Variants in STARD3 observed in about 807,000 individuals in gnomAD.
STARD3 encodes StAR related lipid transfer domain containing 3.
In STARD3, 39 loss-of-function variants were observed where a neutral mutation model predicts 62.0. That is an observed-to-expected ratio of 0.63 (90% CI 0.49 to 0.82). The LOEUF (loss-of-function observed/expected upper bound fraction) is 0.82. STARD3 is among the 40% of genes least tolerant of loss of function. The pLI is 0.00. For synonymous variants in STARD3, 229 were observed against 242.4 expected (o/e 0.94, Z 0.51); for missense variants, 543 against 584.5 (o/e 0.93, Z 0.73).
In STARD3 at chr17:39,658,494, C is replaced by T. The variant is rs572642156; in HGVS notation, c.519C>T (p.Val173=). Residue 173 remains valine (V), a synonymous_variant, in exon 6 of 15, where the codon GTC becomes GTT. Transcript: ENST00000336308. ...AGACCTGGTTCCTTGACTTCAAAGT[C>T]CTACCCCAGGAAGCTGAAGAGGAGC... ...WLETWFLDFK[V]LPQEAEEERW... The T allele has an allele frequency of 9.3e-6, 15 of 1,614,076 alleles. No individual in the cohort carries two copies. The South Asian group carries it at 1.5e-4, about 17-fold the overall frequency.
chr17:39,662,440 G>A, intron 14 of STARD3, 96 bp downstream of exon 14: 1 of 1,206,236 alleles, frequency 8.3e-7, no homozygotes, highest in Non-Finnish European at 1.2e-6. Flanking sequence ...TCTCTGCCAT[G>A]CCTGGGCCTC....
chr17:39,647,693 C>T (rs1477201948), intron 1 of STARD3, among the ~76,000 whole-genome samples: 6 of 152,184 alleles, frequency 3.9e-5, no homozygotes, highest in Non-Finnish European at 5.9e-5. Flanking sequence ...CCCTAGCCAA[C>T]GAGGCCTCAC....
rs1310486893 is a variant in STARD3 at position 39,660,769 on chromosome 17, TG to T, written c.955-37del. ...GGTGTTCCCATCCCTGGGGTTTTCC[TG>T]GGGCGACCTGTTCCAAAAGTCTCCG... On this transcript the variant is annotated intron_variant, in intron 11 of 14. Transcript: ENST00000336308. The surrounding 1 kb of genome is among the most constrained non-coding windows in gnomAD (Gnocchi z 4.8). 6.5e-7 allele frequency: 1 copy of T among 1,542,012 alleles called. No homozygotes were observed. Among genetic ancestry groups the T allele is most frequent in the East Asian group, 2.3e-5 (1 of 44,360 alleles).
In STARD3 at chr17:39,663,300, T is replaced by C; in HGVS notation, c.*392T>C. ...GAAGGGGCTCTTCATCTGCCTGCGC[T>C]CTCGTCGGTTTTTTTAGGATTATTG... On this transcript the variant is annotated 3_prime_UTR_variant, in exon 15 of 15. Transcript: ENST00000336308. 2.6e-6 allele frequency: 1 copy of C among 387,182 alleles called. No individual in the cohort carries two copies. Among genetic ancestry groups the C allele is most frequent in the Non-Finnish European group, 4.6e-6 (1 of 219,176 alleles). The allele number at this position is 387,182 out of a possible 1,614,324, so 24.0% of individuals were successfully genotyped here. A position where few individuals can be genotyped will look rare whatever the true frequency, so the allele number is the denominator to read the frequency against.
At chr17:39,642,082 G>A (rs1184291403) in intron 1 of STARD3, among the ~76,000 whole-genome samples, 2 of 152,264 alleles carry the variant, frequency 1.3e-5, no homozygotes, top group African/African-American at 4.8e-5. Context: ...CCAAAGGAAG[G>A]AGGTCATTCA....
Position 39,663,469 on chromosome 17 carries a change from T to TA in STARD3, c.*576dup, listed in dbSNP as rs397857339. 411 of 144,240 alleles carry TA rather than the reference T, an allele frequency of 2.8e-3. No individual in the cohort carries two copies. Among genetic ancestry groups the TA allele is most frequent in the Middle Eastern group, 6.9e-3 (2 of 290 alleles). The allele number at this position is 144,240 out of a possible 1,614,324, so 8.9% of individuals were successfully genotyped here. ...ATTAAGCCAATTAAAAACATGAATTTAAAAAAAAAAAAAAATTCCAGCCCC... is the reference window on the plus strand; with the variant it reads ...ATTAAGCCAATTAAAAACATGAATTTAAAAAAAAAAAAAAAATTCCAGCCCC... On this transcript the variant is annotated 3_prime_UTR_variant, in exon 15 of 15. Coordinates refer to ENST00000336308, the MANE Select transcript of STARD3 (RefSeq NM_006804.4).
Position 39,664,014 on chromosome 17 carries a change from C to T in STARD3, c.*1106C>T, listed in dbSNP as rs2057231903. ...CCTCCTCCCTCCCGGCTGGCCTGCC[C>T]CCTTGCCTGCCTGCATGCAGGCTTC... is the stretch of plus-strand genomic sequence containing the variant. On this transcript the variant is annotated 3_prime_UTR_variant, in exon 15 of 15. Coordinates refer to ENST00000336308, the MANE Select transcript of STARD3 (RefSeq NM_006804.4). Among the ~76,000 whole-genome samples the T allele has an allele frequency of 6.6e-6, 1 of 152,174 alleles. No homozygotes were observed. Among genetic ancestry groups the T allele is most frequent in the African/African-American group, 2.4e-5 (1 of 41,422 alleles).
At chr17:39,661,289 T>A in intron 13 of STARD3, 1 of 594,080 alleles carries the variant, frequency 1.7e-6, no homozygotes, top group Non-Finnish European at 3.0e-6. Flanking sequence ...GGTGGACAGC[T>A]GGAACCAAGC....
rs769385436 is a variant in STARD3 at position 39,660,131 on chromosome 17, C to T, written c.796-80C>T. The T allele has an allele frequency of 1.3e-6, 2 of 1,481,658 alleles. No individual in the cohort carries two copies. The highest frequency in any genetic ancestry group is 2.3e-5 in the South Asian group (2 of 88,276). The allele number at this position is 1,481,658 out of a possible 1,614,324, so 91.8% of individuals were successfully genotyped here. A position where few individuals can be genotyped will look rare whatever the true frequency, so the allele number is the denominator to read the frequency against. On this transcript the variant is annotated intron_variant, in intron 9 of 14. Coordinates refer to ENST00000336308, the MANE Select transcript of STARD3 (RefSeq NM_006804.4). This position sits in a 1 kb window ranked among gnomAD's most constrained non-coding sequence, Gnocchi z 4.8. ...CACCCTGAGCTGTTAAAAACCTGCC[C>T]TGCCTGTCACCCATTTCTGTGCCAC...
chr17:39,658,612 C>A, intron 6 of STARD3, 90 bp downstream of exon 6: 2 of 1,566,704 alleles, frequency 1.3e-6, no homozygotes, highest in Non-Finnish European at 1.8e-6. Flanking sequence ...TCTGAAGCAT[C>A]TCGCCACCTC....
chr17:39,651,582 G>T (rs79901402), intron 1 of STARD3, among the ~76,000 whole-genome samples: 3 of 150,356 alleles, frequency 2.0e-5, no homozygotes, highest in Non-Finnish European at 4.4e-5. Flanking sequence ...TTTTTTTTTT[G>T]AGACGGAGTC....
rs1409269846 is a variant in STARD3 at position 39,663,241 on chromosome 17, G to A, written c.*333G>A. 1 of 402,606 alleles carries A rather than the reference G, an allele frequency of 2.5e-6. No individual in the cohort carries two copies. The highest frequency in any genetic ancestry group is 4.4e-5 in the Admixed American group (1 of 22,774). 24.9% of individuals were successfully genotyped at this position (402,606 alleles called of 1,614,324 possible). ...TGGCTGGGGAGGACCAGGGCCCTGG[G>A]CAGGGCAGGGCAGCCTGTCACCCGT... On this transcript the variant is annotated 3_prime_UTR_variant, in exon 15 of 15. Coordinates refer to ENST00000336308, the MANE Select transcript of STARD3 (RefSeq NM_006804.4).
At chr17:39,648,659 C>T (rs1173507464) in intron 1 of STARD3, among the ~76,000 whole-genome samples, 5 of 152,166 alleles carry the variant, frequency 3.3e-5, no homozygotes, top group Admixed American at 1.3e-4. Context: ...GAGCTGCTTT[C>T]GGTGGGAGGG....
intron 9 of STARD3, chr17:39,659,913 C>T: frequency 1.8e-6 from 1 of 543,194 alleles, no homozygotes; most frequent in Non-Finnish European, 3.3e-6. Flanking sequence ...CAACATGCCC[C>T]AGTCCCTCTC....
intron 2 of STARD3, 54 bp from the exon 3 acceptor site, chr17:39,656,954 C>T (rs1340010705): frequency 3.8e-6 from 6 of 1,583,720 alleles, no homozygotes; most frequent in Non-Finnish European, 5.2e-6. Flanking sequence ...AGGTGAGGGG[C>T]AGCCCCAGGC....
At chr17:39,645,135 G>C (rs895680021) in intron 1 of STARD3, among the ~76,000 whole-genome samples, 1 of 152,192 alleles carries the variant, frequency 6.6e-6, no homozygotes, top group Non-Finnish European at 1.5e-5. Context: ...CCCTGGGTGG[G>C]AGCTTGCAAT....
chr17:39,647,924 C>T (rs183463258), intron 1 of STARD3, among the ~76,000 whole-genome samples: 4 of 152,160 alleles, frequency 2.6e-5, no homozygotes, highest in Admixed American at 1.3e-4. Flanking sequence ...GTGGGAGGAT[C>T]GCTTAAGCCC....
At chr17:39,640,968 C>T (rs956083751) in intron 1 of STARD3, among the ~76,000 whole-genome samples, 1 of 152,202 alleles carries the variant, frequency 6.6e-6, no homozygotes, top group Non-Finnish European at 1.5e-5. Flanking sequence ...CCTACACTCC[C>T]ACTTCTCCAG....
At chr17:39,653,823 T>C in intron 2 of STARD3, 73 bp downstream of exon 2, 2 of 1,561,230 alleles carry the variant, frequency 1.3e-6, no homozygotes, top group East Asian at 2.3e-5. Flanking sequence ...ATCTGCCACA[T>C]GGGAGGGCTG....
Sources: gnomAD v4.1 joint callset for allele counts (sites outside exome capture counted in the v4.1 genomes callset) on GRCh38, gnomAD v4.1.1 for gene constraint, Gnocchi (gnomAD v3.1) non-coding constraint, MANE v1.5 for transcripts, NCBI Gene and HGNC (gene_info 2026-07-23, HGNC 2026-07-21) for gene names.